The following CLTCL1 variants were observed in gnomAD, a reference collection of about 807,000 sequenced individuals.
The protein encoded by CLTCL1 is clathrin heavy chain 2.
A neutral mutation model predicts 190.0 loss-of-function variants in CLTCL1; 159 were observed. That is an observed-to-expected ratio of 0.84 (90% CI 0.74 to 0.95). CLTCL1 has a LOEUF of 0.95. Among genes scored for constraint, CLTCL1 ranks in the 40% least tolerant of loss-of-function variants. The pLI, the probability that CLTCL1 is intolerant of heterozygous loss-of-function variation, is 0.00. For missense variants in CLTCL1, 1,878 were observed against 2,033.4 expected (o/e 0.92, Z 1.47); for synonymous variants, 752 against 769.6 (o/e 0.98, Z 0.38).
intron 19 of CLTCL1, among the ~76,000 whole-genome samples, chr22:19,211,675 G>A (rs528930708): frequency 2.0e-5 from 3 of 151,318 alleles, no homozygotes; most frequent in East Asian, 1.9e-4. Flanking sequence ...GCTGAAGCAG[G>A]AGAATGGCAC....
chr22:19,217,280 G>A (rs2085414107), intron 18 of CLTCL1, among the ~76,000 whole-genome samples: 1 of 152,140 alleles, frequency 6.6e-6, no homozygotes, highest in Non-Finnish European at 1.5e-5. Flanking sequence ...CCATCCAAAG[G>A]AGAAGGTACA....
intron 1 of CLTCL1, among the ~76,000 whole-genome samples, chr22:19,284,160 C>G (rs2087821109): frequency 6.6e-6 from 1 of 152,180 alleles, no homozygotes; most frequent in Admixed American, 6.5e-5. Flanking sequence ...CTGCCTACAT[C>G]AGTGAAGCCA....
At chr22:19,235,088 T>C (rs2145889768) in intron 6 of CLTCL1, among the ~76,000 whole-genome samples, 1 of 152,298 alleles carries the variant, frequency 6.6e-6, no homozygotes. Context: ...CAGGCTGGAT[T>C]CAAACTCCTA....
chr22:19,183,115 C>T (rs781898300), intron 30 of CLTCL1: 18 of 447,192 alleles, frequency 4.0e-5, no homozygotes, highest in Non-Finnish European at 6.7e-5. Flanking sequence ...GTGCTCCTAG[C>T]AGTGTGCACA....
chr22:19,228,349 T>G (rs2085817329), intron 11 of CLTCL1, among the ~76,000 whole-genome samples: 1 of 152,246 alleles, frequency 6.6e-6, no homozygotes, highest in South Asian at 2.1e-4. Context: ...CCTGGGGCAC[T>G]AAGCCAGAGC....
At chr22:19,249,074 G>C (rs1555968953) in intron 3 of CLTCL1, among the ~76,000 whole-genome samples, 1 of 152,126 alleles carries the variant, frequency 6.6e-6, no homozygotes, top group Middle Eastern at 3.2e-3. Flanking sequence ...GATTAGACTG[G>C]AGGAATAAGT....
Position 19,192,063 on chromosome 22 carries a change from CTTT to C in CLTCL1, c.4192-631_4192-629del, listed in dbSNP as rs782761355. ...CCATTCTCTTGCTGGGCGATGTCAT[CTTT>C]TTTTTTTTTTTTTTTTTGAGACGGA... On this transcript the variant is annotated intron_variant, in intron 26 of 32. Transcript: ENST00000427926. 4.0e-3 allele frequency among the ~76,000 whole-genome samples: 471 copies of C among 118,296 alleles called. 2 individuals carry two copies. Among genetic ancestry groups the C allele is most frequent in the Non-Finnish European group, 6.1e-3 (358 of 58,982 alleles). 77.6% of individuals were successfully genotyped at this position (118,296 alleles called of 152,430 possible).
chr22:19,203,184 G>A (rs1042986428), intron 22 of CLTCL1, among the ~76,000 whole-genome samples: 23 of 152,120 alleles, frequency 1.5e-4, no homozygotes, highest in Non-Finnish European at 3.1e-4. Context: ...GCGTGGTGGC[G>A]GGCGCCTGTA....
In CLTCL1 at chr22:19,229,859, C is replaced by T; in HGVS notation, c.1761G>A (p.Met587Ile). 1 of 1,610,292 alleles carries T rather than the reference C, an allele frequency of 6.2e-7. No individual in the cohort carries two copies. The highest frequency in any genetic ancestry group is 8.5e-7 in the Non-Finnish European group (1 of 1,178,632). The change falls in exon 11 of 33, where the codon ATG (methionine) becomes ATA (isoleucine). Residue 587 changes from methionine (M) to isoleucine (I), a missense_variant. By Grantham distance (10) the Met-to-Ile change is conservative (BLOSUM62 1). Transcript: ENST00000427926. ...EGLLQTWLLE[M>I]NLVHAPQVAD... ...TGACCTGGGGTGCATGAACAAGGTT[C>T]ATCTCCAACAGCCATGTCTGCAGGA...
chr22:19,226,176 A>G, intron 12 of CLTCL1, 43 bp downstream of exon 12: 1 of 1,595,434 alleles, frequency 6.3e-7, no homozygotes, highest in Non-Finnish European at 8.6e-7. Flanking sequence ...CATTAATTGC[A>G]TAGACAACAG....
chr22:19,221,599 C>CTTG lies in CLTCL1; in HGVS notation c.2573_2574insCAA (p.Leu858_Leu859insLys). On this transcript the variant is annotated inframe_insertion, in exon 17 of 33. Coordinates refer to ENST00000427926, the MANE Select transcript of CLTCL1 (RefSeq NM_007098.4). ...GAATCTGGGACTCCAGCCAGGGAAG[C>CTTG]AGCAGCTTGAGCCTTTGAAAGAAGG... 6.3e-7 allele frequency: 1 copy of CTTG among 1,586,420 alleles called. No individual in the cohort carries two copies.
At chr22:19,283,866 C>A (rs2087810651) in intron 1 of CLTCL1, among the ~76,000 whole-genome samples, 1 of 151,888 alleles carries the variant, frequency 6.6e-6, no homozygotes, top group South Asian at 2.1e-4. Context: ...GTGGCACACG[C>A]CTGTGGTCCC....
Position 19,242,737 on chromosome 22 carries a change from C to A in CLTCL1, c.681+38G>T, listed in dbSNP as rs759401332. ...GCACACCCCTAACACCAGCTCATGA[C>A]ACTTTTCTCAGGGAGAAGACAGTAG... On this transcript the variant is annotated intron_variant, in intron 4 of 32. Transcript: ENST00000427926. The A allele has an allele frequency of 2.0e-5, 33 of 1,612,318 alleles. 1 individual carries two copies. Among genetic ancestry groups the A allele is most frequent in the Non-Finnish European group, 2.4e-5 (28 of 1,178,734 alleles).
At chr22:19,246,947 T>C (rs558260847) in intron 3 of CLTCL1, among the ~76,000 whole-genome samples, 1 of 152,320 alleles carries the variant, frequency 6.6e-6, no homozygotes, top group Non-Finnish European at 1.5e-5. Context: ...CCAGGTTGTC[T>C]TTTCACTTTA....
rs189528417 is a variant in CLTCL1, at chr22:19,210,407, C to T, written c.3168G>A (p.Ala1056=). The T allele has an allele frequency of 1.8e-4, 295 of 1,614,004 alleles. No homozygotes were observed. The highest frequency in any genetic ancestry group is 1.8e-3 in the Middle Eastern group (11 of 6,062). Residue 1056 remains alanine, a synonymous_variant, in exon 20 of 33, where the codon GCG becomes GCA. Transcript: ENST00000427926. ...RLDNYDALDI[A]SIAVSSALYE... is the part of the protein sequence containing the mutation. ...ACAGTGCGCTGCTGACAGCGATGCT[C>T]GCGATGTCCAGTGCGTCATAGTTGT... is the stretch of plus-strand genomic sequence containing the variant.
rs782673220 is a variant in CLTCL1, at chr22:19,208,251, T to C, written c.3503A>G (p.Tyr1168Cys). Reference sequence around the variant, plus strand: ...GGCAAAAATAAGTTCAGTCTCTATATAGGACTCACGGCCCTTTTTCCTGGC... The same window carrying C: ...GGCAAAAATAAGTTCAGTCTCTATACAGGACTCACGGCCCTTTTTCCTGGC... ...QMARKKGRES[Y>C]IETELIFALA... Residue 1168 changes from tyrosine to cysteine, a missense_variant, in exon 22 of 33, where the codon TAT becomes TGT. Physicochemically the swap from Tyr to Cys is radical, Grantham distance 194 (BLOSUM62 -2). Coordinates refer to ENST00000427926, the MANE Select transcript of CLTCL1 (RefSeq NM_007098.4). 3.7e-6 allele frequency: 6 copies of C among 1,613,826 alleles called. No homozygotes were observed. The highest frequency in any genetic ancestry group is 2.7e-5 in the African/African-American group (2 of 75,044).
chr22:19,222,718 T>C lies in CLTCL1; in HGVS notation c.2384A>G (p.Asn795Ser). The C allele has an allele frequency of 1.3e-6, 2 of 1,594,334 alleles. No individual in the cohort carries two copies. The highest frequency in any genetic ancestry group is 1.3e-5 in the African/African-American group (1 of 74,670). ...HDLVLYLYRN[N>S]LQRYIEIYVQ... ...GTAGATCTCAATGTACCTCTGCAGG[T>C]TGTTGCGGTATAAATATAGGACAAG... is the stretch of plus-strand genomic sequence containing the variant. Residue 795 changes from asparagine (N) to serine (S), a missense_variant, in exon 15 of 33, where the codon AAC becomes AGC. Transcript: ENST00000427926.
At chr22:19,201,914 T>C (rs555346959) in intron 22 of CLTCL1, among the ~76,000 whole-genome samples, 100 of 152,186 alleles carry the variant, frequency 6.6e-4, no homozygotes, top group Non-Finnish European at 1.1e-3. Flanking sequence ...TCTTTCTCAT[T>C]CTCTGGCAAT....
intron 22 of CLTCL1, among the ~76,000 whole-genome samples, chr22:19,207,300 A>G (rs575114680): frequency 6.6e-6 from 1 of 152,354 alleles, no homozygotes; most frequent in South Asian, 2.1e-4. Context: ...TACAGGCATG[A>G]GCCACCATGC....
Sources: gnomAD v4.1 joint callset for allele counts (sites outside exome capture counted in the v4.1 genomes callset) on GRCh38, gnomAD v4.1.1 for gene constraint, MANE v1.5 for transcripts, NCBI Gene and HGNC (gene_info 2026-07-23, HGNC 2026-07-21) for gene names.